Variants in MAGI3 observed in about 807,000 individuals in gnomAD.
MAGI3 encodes the protein membrane-associated guanylate kinase, WW and PDZ domain-containing protein 3.
MAGI3 carries 43 observed loss-of-function variants against 121.8 expected under a neutral mutation model. That is an observed-to-expected ratio of 0.35 (90% confidence interval 0.28 to 0.46). The LOEUF is 0.46. Ranked by LOEUF, MAGI3 falls within the 20% of genes least tolerant of loss-of-function variation. The pLI is 1.00. For missense variants in MAGI3, 1,547 were observed against 1,797.3 expected (o/e 0.86, Z 2.52); for synonymous variants, 553 against 639.3 (o/e 0.86, Z 2.04).
intron 7 of MAGI3, among the ~76,000 whole-genome samples, chr1:113,615,771 T>C (rs751991995): frequency 6.6e-6 from 1 of 152,222 alleles, no homozygotes; most frequent in Non-Finnish European, 1.5e-5. Context: ...TAATTTTGTT[T>C]CCATTGTGTT....
At chr1:113,548,050 T>C (rs1292443047) in intron 1 of MAGI3, among the ~76,000 whole-genome samples, 2 of 152,238 alleles carry the variant, frequency 1.3e-5, no homozygotes, top group African/African-American at 4.8e-5. Flanking sequence ...TGTTCATTTA[T>C]ACATATGAGA....
chr1:113,395,119 T>TTTTTTG (rs1651038128), intron 1 of MAGI3, among the ~76,000 whole-genome samples: 1 of 79,728 alleles, frequency 1.3e-5, no homozygotes, highest in Non-Finnish European at 2.5e-5. Context: ...TTTTTTTTAG[T>TTTTTTG]GGGATATTTA....
chr1:113,420,626 A>G (rs1291297184), intron 1 of MAGI3, among the ~76,000 whole-genome samples: 1 of 152,206 alleles, frequency 6.6e-6, no homozygotes, highest in Non-Finnish European at 1.5e-5. Flanking sequence ...TTAATCTTAC[A>G]CTTTTCCAAA....
chr1:113,654,309 A>G (rs1289490721), intron 15 of MAGI3, among the ~76,000 whole-genome samples: 1 of 152,224 alleles, frequency 6.6e-6, no homozygotes, highest in African/African-American at 2.4e-5. Flanking sequence ...ATTTAATGAA[A>G]GGTATAATGC....
At chr1:113,560,414 C>A (rs7532606) in intron 2 of MAGI3, among the ~76,000 whole-genome samples, 1 of 131,360 alleles carries the variant, frequency 7.6e-6, no homozygotes. Flanking sequence ...CAAAAAAAAC[C>A]AAAAAAACAA....
intron 16 of MAGI3, 70 bp downstream of exon 16, chr1:113,659,335 C>T: frequency 6.8e-7 from 1 of 1,470,196 alleles, no homozygotes; most frequent in Non-Finnish European, 9.3e-7. Context: ...AGGCAGTGGC[C>T]TCCTCCAGCA....
intron 4 of MAGI3, among the ~76,000 whole-genome samples, chr1:113,586,465 C>A (rs1648371285): frequency 6.6e-6 from 1 of 152,112 alleles, no homozygotes; most frequent in African/African-American, 2.4e-5. Flanking sequence ...TGAGTTAATA[C>A]ATTCATTGTT....
At chr1:113,519,856 A>G (rs1658090723) in intron 1 of MAGI3, among the ~76,000 whole-genome samples, 1 of 152,266 alleles carries the variant, frequency 6.6e-6, no homozygotes, top group South Asian at 2.1e-4. Context: ...AATTTAGGCA[A>G]AATGAGATAT....
chr1:113,549,538 C>A lies in MAGI3; in HGVS notation c.340C>A (p.Arg114=). 5 of 1,588,558 alleles carry A rather than the reference C, an allele frequency of 3.1e-6. No individual in the cohort carries two copies. Among genetic ancestry groups the A allele is most frequent in the Non-Finnish European group, 3.4e-6 (4 of 1,166,810 alleles). Residue 114 remains arginine, a synonymous_variant, in exon 2 of 21, where the codon CGG becomes AGG. Coordinates refer to ENST00000307546, the MANE Select transcript of MAGI3 (RefSeq NM_001142782.2). ...AGGCAAAGTCATTAATAAAGATTTG[C>A]GGCATTACCTAAGTCTTCAGTTTCA... The part of the protein sequence containing the change: ...KPGKVINKDL[R]HYLSLQFQKG...
At position 113,651,657 on chromosome 1, in the gene MAGI3, A is replaced by G. The variant is rs149620086; in HGVS notation, c.2440+451A>G. 5.0e-3 allele frequency among the ~76,000 whole-genome samples: 756 copies of G among 152,086 alleles called. 9 individuals are homozygous for G. Among genetic ancestry groups the G allele is most frequent in the African/African-American group, 0.017 (726 of 41,490 alleles). ...ACAGGCACACACCACCACACGGCTA[A>G]TTTTTGTATTTTTAGTAGAGACGGG... On this transcript the variant is annotated intron_variant, in intron 14 of 20. Transcript: ENST00000307546.
In MAGI3 at chr1:113,651,192, A is replaced by G. The variant is rs748841426; in HGVS notation, c.2426A>G (p.Lys809Arg). 6.2e-7 allele frequency: 1 copy of G among 1,611,796 alleles called. No individual in the cohort carries two copies. Among genetic ancestry groups the G allele is most frequent in the Non-Finnish European group, 8.5e-7 (1 of 1,179,454 alleles). ...CATGTGTTACTAACTGTCAGACGGA[A>G]GATCTTCTATGGAGGTGTGTGAACT... ...NGHVLLTVRR[K>R]IFYGEKQPED... The change falls in exon 14 of 21, where the codon AAG becomes AGG. Residue 809 changes from lysine to arginine, a missense_variant. Transcript: ENST00000307546.
chr1:113,484,039 A>G (rs1656235233), intron 1 of MAGI3, among the ~76,000 whole-genome samples: 1 of 152,330 alleles, frequency 6.6e-6, no homozygotes, highest in South Asian at 2.1e-4. Context: ...CATATCGTTC[A>G]TATGCAAGTT....
intron 2 of MAGI3, among the ~76,000 whole-genome samples, chr1:113,574,520 ACT>A (rs1647500787): frequency 6.6e-6 from 1 of 151,926 alleles, no homozygotes; most frequent in African/African-American, 2.4e-5. Flanking sequence ...TTGGTCGCCT[ACT>A]CTCTTCTGGC....
chr1:113,439,290 T>C (rs546873940), intron 1 of MAGI3, among the ~76,000 whole-genome samples: 5 of 152,228 alleles, frequency 3.3e-5, no homozygotes, highest in Non-Finnish European at 7.3e-5. Flanking sequence ...TTTGGACCAA[T>C]ATTGACTTCA....
At chr1:113,476,981 CCTTCTTTGTGT>C (rs781778032) in intron 1 of MAGI3, among the ~76,000 whole-genome samples, 2 of 151,846 alleles carry the variant, frequency 1.3e-5, no homozygotes, top group Non-Finnish European at 2.9e-5. Flanking sequence ...TATGTAATAG[CCTTCTTTGTGT>C]CTTTTGATCT....
At chr1:113,650,200 T>C (rs1653078396) in intron 13 of MAGI3, among the ~76,000 whole-genome samples, 1 of 152,146 alleles carries the variant, frequency 6.6e-6, no homozygotes, top group African/African-American at 2.4e-5. Flanking sequence ...GTTACAACAG[T>C]CATTGGAGAC....
At chr1:113,598,228 C>CG (rs981234208) in intron 6 of MAGI3, among the ~76,000 whole-genome samples, 1 of 151,094 alleles carries the variant, frequency 6.6e-6, no homozygotes, top group Non-Finnish European at 1.5e-5. Context: ...CCCCACCCCC[C>CG]CTCCAAAAAA....
intron 16 of MAGI3, among the ~76,000 whole-genome samples, chr1:113,663,321 T>C (rs1378670392): frequency 6.6e-6 from 1 of 151,494 alleles, no homozygotes; most frequent in East Asian, 1.9e-4. Flanking sequence ...TTCCACATTT[T>C]ATTGCTCCAA....
chr1:113,472,315 G>A (rs542445877), intron 1 of MAGI3, among the ~76,000 whole-genome samples: 65 of 150,502 alleles, frequency 4.3e-4, no homozygotes, highest in Non-Finnish European at 6.1e-4. Flanking sequence ...CCATTCTCCC[G>A]CCTCAGCCTC....
Sources: gnomAD v4.1 joint callset for allele counts (sites outside exome capture counted in the v4.1 genomes callset) on GRCh38, gnomAD v4.1.1 for gene constraint, MANE v1.5 for transcripts, NCBI Gene and HGNC (gene_info 2026-07-23, HGNC 2026-07-21) for gene names.